The following EYS variants were observed in gnomAD, a reference collection of about 807,000 sequenced individuals.
EYS encodes the protein EGF-like photoreceptor maintenance factor.
Under a neutral mutation model 282.1 loss-of-function variants are expected in EYS, and 250 were observed. The ratio of observed to expected loss-of-function variants is 0.89; its 90% CI spans 0.80 to 0.98. The LOEUF (loss-of-function observed/expected upper bound fraction) is 0.98. EYS is among the 50% of genes least tolerant of loss of function. The pLI is 0.00. For missense variants in EYS, 4,016 were observed against 3,709.0 expected, an observed-to-expected ratio of 1.08 and a Z score of -2.15; for synonymous variants, 1,355 against 1,282.9, an observed-to-expected ratio of 1.06 and a Z score of -1.20.
At position 65,222,951 on chromosome 6, in the gene EYS, A is replaced by T. The variant is rs78053076; in HGVS notation, c.2023+72912T>A. On this transcript the variant is annotated intron_variant, in intron 12 of 42. Transcript: ENST00000503581. ...GAAGAAGAAGTAAGAGTCAGGGTAC[A>T]CAGCAACTCACAACAGAACAGCTAA... 3.0e-3 allele frequency among the ~76,000 whole-genome samples: 451 copies of T among 152,330 alleles called. 3 individuals are homozygous for T. Among genetic ancestry groups the T allele is most frequent in the African/African-American group, 0.01 (427 of 41,570 alleles).
At chr6:64,737,103 G>A (rs1418414331) in intron 22 of EYS, among the ~76,000 whole-genome samples, 1 of 152,140 alleles carries the variant, frequency 6.6e-6, no homozygotes, top group African/African-American at 2.4e-5. Flanking sequence ...CATAAAAGAT[G>A]TGTCTGTAGC....
At chr6:65,042,720 G>A (rs939433433) in intron 13 of EYS, among the ~76,000 whole-genome samples, 3 of 151,328 alleles carry the variant, frequency 2.0e-5, no homozygotes, top group Non-Finnish European at 4.4e-5. Context: ...TAAAAATTTT[G>A]TATATTCTAG....
Position 65,267,131 on chromosome 6 carries a change from T to A in EYS, c.2023+28732A>T, listed in dbSNP as rs372916296. Reference sequence around the variant, plus strand: ...TACCTCGGCTTTTCAGAAGCATGTGTGATCCTGAAGAGATTTGAAAATACG... The same window carrying A: ...TACCTCGGCTTTTCAGAAGCATGTGAGATCCTGAAGAGATTTGAAAATACG... On this transcript the variant is annotated intron_variant, in intron 12 of 42. Coordinates refer to ENST00000503581, the MANE Select transcript of EYS (RefSeq NM_001142800.2). 5.9e-4 allele frequency among the ~76,000 whole-genome samples: 90 copies of A among 151,806 alleles called. 1 individual carries two copies. The East Asian group carries it at 0.015, about 24-fold the overall frequency.
rs568868453 is a variant in EYS, at chr6:63,852,352, C to A, written c.7228+11834G>T. Among the ~76,000 whole-genome samples the A allele has an allele frequency of 2.0e-4, 31 of 152,082 alleles. No homozygotes were observed. The South Asian group carries it at 3.1e-3, about 15-fold the overall frequency. ...TACCATCAGGTAATACTATGAACAC[C>A]TCTATGCAAATAAACTAGAAAATCT... On this transcript the variant is annotated intron_variant, in intron 36 of 42. Transcript: ENST00000503581.
intron 5 of EYS, among the ~76,000 whole-genome samples, chr6:65,481,529 A>G (rs1369604254): frequency 6.6e-6 from 1 of 151,910 alleles, no homozygotes; most frequent in Non-Finnish European, 1.5e-5. Flanking sequence ...ATTTTGAGAC[A>G]ATTTTTTGTT....
At chr6:65,630,172 T>A (rs1405533911) in intron 2 of EYS, among the ~76,000 whole-genome samples, 1 of 152,230 alleles carries the variant, frequency 6.6e-6, no homozygotes, top group Non-Finnish European at 1.5e-5. Flanking sequence ...GTTCTTCCCA[T>A]GTCAAAATGG....
chr6:64,699,063 A>T (rs9351373), intron 22 of EYS, among the ~76,000 whole-genome samples: 97,726 of 152,068 alleles, frequency 0.64, 33,500 homozygotes, highest in Middle Eastern at 0.77. Flanking sequence ...AGCAAAGATT[A>T]ATCAACTTAA....
chr6:63,744,237 A>C (rs1207606718), intron 41 of EYS: 2 of 152,144 alleles, frequency 1.3e-5, no homozygotes, highest in Non-Finnish European at 2.9e-5. Flanking sequence ...AGTTACCATG[A>C]TATTGGGCAT....
chr6:63,821,155 C>T (rs2149685832), intron 36 of EYS: 1 of 150,498 alleles, frequency 6.6e-6, no homozygotes, highest in South Asian at 2.1e-4. Flanking sequence ...GCACCTTTCT[C>T]ATCAAATGTA....
At chr6:63,897,694 T>C (rs373637189) in intron 35 of EYS, among the ~76,000 whole-genome samples, 5 of 152,250 alleles carry the variant, frequency 3.3e-5, no homozygotes, top group East Asian at 3.8e-4. Flanking sequence ...GTTATAGCAA[T>C]GACTAATACA....
At chr6:64,369,392 AG>A (rs1772278671) in intron 29 of EYS, among the ~76,000 whole-genome samples, 2 of 152,090 alleles carry the variant, frequency 1.3e-5, no homozygotes, top group African/African-American at 4.8e-5. Context: ...TTGGCTATTC[AG>A]GCTCTTTTTT....
At chr6:64,101,630 G>A (rs147366872) in intron 31 of EYS, among the ~76,000 whole-genome samples, 66 of 151,646 alleles carry the variant, frequency 4.4e-4, no homozygotes, top group African/African-American at 1.5e-3. Flanking sequence ...TAGAGTAATA[G>A]TCTAATAGTC....
chr6:65,289,003 GA>G (rs1373551448), intron 12 of EYS, among the ~76,000 whole-genome samples: 1 of 150,594 alleles, frequency 6.6e-6, no homozygotes, highest in Non-Finnish European at 1.5e-5. Flanking sequence ...ACATAAAAAG[GA>G]AAAATATAAC....
chr6:64,211,521 T>A (rs1462510898), intron 31 of EYS, among the ~76,000 whole-genome samples: 1 of 151,094 alleles, frequency 6.6e-6, no homozygotes, highest in African/African-American at 2.4e-5. Context: ...ATCTACCCTC[T>A]CTTTTCCTTG....
At chr6:64,996,662 T>C (rs975689487) in intron 14 of EYS, among the ~76,000 whole-genome samples, 3 of 152,192 alleles carry the variant, frequency 2.0e-5, no homozygotes, top group Non-Finnish European at 1.5e-5. Context: ...GTCATGGATA[T>C]GTAAATGCGA....
intron 33 of EYS, among the ~76,000 whole-genome samples, chr6:64,002,975 A>G (rs1227001045): frequency 2.0e-5 from 3 of 152,200 alleles, no homozygotes; most frequent in Non-Finnish European, 4.4e-5. Context: ...GAATTTTCCA[A>G]TATTTTTCTG....
At chr6:64,465,137 C>T (rs375058060) in intron 26 of EYS, among the ~76,000 whole-genome samples, 5 of 151,912 alleles carry the variant, frequency 3.3e-5, no homozygotes, top group Admixed American at 2.0e-4. Flanking sequence ...AAACGATATC[C>T]TTTGTTCATA....
chr6:65,035,900 A>G (rs1350148953), intron 13 of EYS, among the ~76,000 whole-genome samples: 2 of 147,404 alleles, frequency 1.4e-5, no homozygotes, highest in African/African-American at 2.5e-5. Context: ...TATATTATAT[A>G]TTTTTATATT....
At chr6:64,698,157 G>A (rs555850642) in intron 22 of EYS, among the ~76,000 whole-genome samples, 68 of 152,010 alleles carry the variant, frequency 4.5e-4, no homozygotes, top group Non-Finnish European at 9.0e-4. Context: ...GAAATAAAAC[G>A]TACCAAAACC....
Sources: gnomAD v4.1 joint callset for allele counts (sites outside exome capture counted in the v4.1 genomes callset) on GRCh38, gnomAD v4.1.1 for gene constraint, MANE v1.5 for transcripts, NCBI Gene and HGNC (gene_info 2026-07-23, HGNC 2026-07-21) for gene names.